Variants in SEMA6D observed in about 807,000 individuals in gnomAD.
SEMA6D encodes semaphorin 6D.
Under a neutral mutation model 106.6 loss-of-function variants are expected in SEMA6D, and 35 were observed. The ratio of observed to expected loss-of-function variants is 0.33; its 90% CI spans 0.25 to 0.44. The LOEUF is 0.44. SEMA6D is among the 20% of genes least tolerant of loss of function. The pLI is 1.00. For synonymous variants in SEMA6D, 499 were observed against 487.7 expected, an observed-to-expected ratio of 1.02 and a Z score of -0.31; for missense variants, 1,185 against 1,345.9, an observed-to-expected ratio of 0.88 and a Z score of 1.87.
chr15:47,587,918 G>A (rs2076371928), intron 3 of SEMA6D, among the ~76,000 whole-genome samples: 1 of 151,998 alleles, frequency 6.6e-6, no homozygotes, highest in Non-Finnish European at 1.5e-5. Flanking sequence ...CTAAATGAGA[G>A]TTGAGATGGC....
chr15:47,330,640 A>C (rs1027460), intron 1 of SEMA6D, among the ~76,000 whole-genome samples: 70,348 of 152,090 alleles, frequency 0.46, 19,615 homozygotes, highest in South Asian at 0.61. Flanking sequence ...TGGACTCACA[A>C]AGGTAAGTAA....
At position 47,601,199 on chromosome 15, in the gene SEMA6D, T is replaced by C. The variant is rs550954560; in HGVS notation, c.-55+303T>C. Among the ~76,000 whole-genome samples, 3 of 152,274 alleles carry C rather than the reference T, an allele frequency of 2.0e-5. No homozygotes were observed. In the East Asian group the frequency reaches 5.8e-4, roughly 29 times the overall value. On this transcript the variant is annotated intron_variant, in intron 4 of 19. Transcript: ENST00000558014. ...GATACAGCAGACTCTTTGTCTCTGA[T>C]GTTCAAAAACAGAAGAAGATTTCTT...
At chr15:47,739,189 A>C in intron 1 of SEMA6D, among the ~76,000 whole-genome samples, 1 of 152,200 alleles carries the variant, frequency 6.6e-6, no homozygotes, top group East Asian at 1.9e-4. Flanking sequence ...AAACAATATA[A>C]AAAACACTGA....
chr15:47,195,340 C>T (rs901740608), intron 1 of SEMA6D, among the ~76,000 whole-genome samples: 13 of 152,122 alleles, frequency 8.5e-5, no homozygotes, highest in Non-Finnish European at 2.9e-5. Flanking sequence ...GTTCCCTGCC[C>T]TTTATCTCTG....
chr15:47,446,741 G>T (rs953453883), intron 2 of SEMA6D, among the ~76,000 whole-genome samples: 2 of 152,102 alleles, frequency 1.3e-5, no homozygotes, highest in African/African-American at 4.8e-5. Context: ...GGTACAGCTG[G>T]TGTGCTGGAA....
chr15:47,621,378 C>T (rs2077096550), intron 4 of SEMA6D, among the ~76,000 whole-genome samples: 1 of 152,088 alleles, frequency 6.6e-6, no homozygotes, highest in South Asian at 2.1e-4. Flanking sequence ...TCCCCCAGGA[C>T]AGATTTTTTT....
chr15:47,205,369 C>T (rs1230612632), intron 1 of SEMA6D, among the ~76,000 whole-genome samples: 3 of 152,010 alleles, frequency 2.0e-5, no homozygotes, highest in Admixed American at 6.6e-5. Context: ...CTTCGTATAG[C>T]GAGGGTCTAA....
intron 1 of SEMA6D, among the ~76,000 whole-genome samples, chr15:47,215,100 T>C (rs1413056801): frequency 1.2e-5 from 1 of 80,488 alleles, no homozygotes; most frequent in Non-Finnish European, 2.6e-5. Context: ...AGGCTAATTA[T>C]AAATTGGAAT....
intron 2 of SEMA6D, among the ~76,000 whole-genome samples, chr15:47,456,637 AT>A (rs1188638822): frequency 1.3e-5 from 2 of 152,040 alleles, no homozygotes; most frequent in African/African-American, 2.4e-5. Flanking sequence ...AAAGAAAAAA[AT>A]AATAATATTT....
chr15:47,699,351 A>G (rs547054315), intron 4 of SEMA6D, among the ~76,000 whole-genome samples: 53 of 152,296 alleles, frequency 3.5e-4, no homozygotes, highest in Middle Eastern at 3.4e-3. Context: ...TCCTATGAAG[A>G]TTGATATTAT....
At chr15:47,699,097 C>A (rs1250599036) in intron 4 of SEMA6D, among the ~76,000 whole-genome samples, 4 of 152,208 alleles carry the variant, frequency 2.6e-5, no homozygotes, top group African/African-American at 9.6e-5. Context: ...CTTTATTGAG[C>A]ACCTACTCTA....
intron 1 of SEMA6D, among the ~76,000 whole-genome samples, chr15:47,338,151 A>C (rs146785581): frequency 2.0e-3 from 298 of 152,312 alleles, no homozygotes; most frequent in Middle Eastern, 3.4e-3. Context: ...GTAGCAATTA[A>C]AATGTCCCTT....
At chr15:47,654,178 G>C (rs745637237) in intron 4 of SEMA6D, among the ~76,000 whole-genome samples, 4 of 152,104 alleles carry the variant, frequency 2.6e-5, no homozygotes, top group African/African-American at 4.8e-5. Context: ...TAATTCAGTG[G>C]TGCTAGATCA....
At chr15:47,263,111 C>T (rs1566959260) in intron 1 of SEMA6D, among the ~76,000 whole-genome samples, 1 of 152,168 alleles carries the variant, frequency 6.6e-6, no homozygotes, top group East Asian at 1.9e-4. Context: ...ATAACCTAGG[C>T]AATACCATTC....
rs1595779266 is a variant in SEMA6D at position 47,230,743 on chromosome 15, G to A, written c.-239+46325G>A. Among the ~76,000 whole-genome samples the A allele has an allele frequency of 2.6e-5, 4 of 152,032 alleles. No homozygotes were observed. In the East Asian group the frequency reaches 7.7e-4, roughly 29 times the overall value. On this transcript the variant is annotated intron_variant, in intron 1 of 19. Transcript: ENST00000558014. Reference sequence around the variant, plus strand: ...GGCCCCATTCCTGAGAAAGGGATGAGAAACTGCCTGAGAAACACTAGGGGT... The same window carrying A: ...GGCCCCATTCCTGAGAAAGGGATGAAAAACTGCCTGAGAAACACTAGGGGT...
At chr15:47,663,517 T>C (rs1027457754) in intron 4 of SEMA6D, among the ~76,000 whole-genome samples, 3 of 152,184 alleles carry the variant, frequency 2.0e-5, no homozygotes, top group African/African-American at 7.2e-5. Context: ...AAGAGGCATT[T>C]ACTTGTAAAC....
intron 1 of SEMA6D, among the ~76,000 whole-genome samples, chr15:47,736,914 C>T (rs1248966474): frequency 6.6e-5 from 10 of 152,122 alleles, no homozygotes; most frequent in African/African-American, 2.2e-4. Context: ...ATACAAAAGA[C>T]AATCCCTGTA....
intron 4 of SEMA6D, among the ~76,000 whole-genome samples, chr15:47,636,186 A>G (rs2077385816): frequency 1.3e-5 from 2 of 152,206 alleles, no homozygotes; most frequent in African/African-American, 2.4e-5. Flanking sequence ...ACACGACTTT[A>G]TACATTTACT....
Position 47,764,674 on chromosome 15 carries a change from T to C in SEMA6D, c.1134T>C (p.Ala378=). Residue 378 remains alanine, a synonymous_variant, in exon 12 of 19, where the codon GCT becomes GCC. Transcript: ENST00000536845. ...GCCAKHGLAE[A]YKTSIDFPDE... is the part of the protein sequence containing the mutation. ...GTGCAAAACACGGCCTTGCCGAAGC[T>C]TATAAAACCTCCATCGATTTCCCGG... is the stretch of plus-strand genomic sequence containing the variant. 1 of 1,614,054 alleles carries C rather than the reference T, an allele frequency of 6.2e-7. No individual in the cohort carries two copies. The highest frequency in any genetic ancestry group is 1.3e-5 in the African/African-American group (1 of 75,056).
Sources: allele counts gnomAD v4.1 joint callset (sites outside exome capture counted in the v4.1 genomes callset), GRCh38; gene constraint gnomAD v4.1.1; transcripts MANE v1.5; gene names NCBI Gene and HGNC (gene_info 2026-07-23, HGNC 2026-07-21).